ADCY2: variants seen among roughly 807,000 people sequenced by gnomAD.
The protein encoded by ADCY2 is adenylate cyclase 2.
A neutral mutation model predicts 125.2 loss-of-function variants in ADCY2; 31 were observed. The observed-to-expected ratio is 0.25, with a 90% confidence interval of 0.19 to 0.33. The LOEUF is 0.33. Among genes scored for constraint, ADCY2 ranks in the 10% least tolerant of loss-of-function variants. The pLI, the probability that ADCY2 is intolerant of heterozygous loss-of-function variation, is 1.00. For missense variants in ADCY2, 904 were observed against 1,418.2 expected (o/e 0.64, Z 5.82); for synonymous variants, 512 against 548.4 (o/e 0.93, Z 0.93).
intron 2 of ADCY2, among the ~76,000 whole-genome samples, chr5:7,417,990 T>G (rs1561014218): frequency 6.6e-6 from 1 of 152,220 alleles, no homozygotes; most frequent in South Asian, 2.1e-4. Context: ...CCTTTTTTGC[T>G]GTTGTTGTTT....
intron 22 of ADCY2, among the ~76,000 whole-genome samples, chr5:7,813,991 C>G (rs1433612953): frequency 6.6e-6 from 1 of 151,672 alleles, no homozygotes; most frequent in Non-Finnish European, 1.5e-5. Flanking sequence ...GCACAAGCCT[C>G]CAAATCAGGT....
chr5:7,484,174 C>T (rs188966583), intron 2 of ADCY2, among the ~76,000 whole-genome samples: 4 of 152,250 alleles, frequency 2.6e-5, no homozygotes, highest in Admixed American at 6.5e-5. Context: ...TTTTATTCTA[C>T]TTATATACTA....
At chr5:7,694,059 G>A (rs1370563068) in intron 5 of ADCY2, among the ~76,000 whole-genome samples, 1 of 152,168 alleles carries the variant, frequency 6.6e-6, no homozygotes, top group Admixed American at 6.5e-5. Flanking sequence ...CAGAGTGGAG[G>A]GTAAAGCTGT....
chr5:7,815,698 C>T (rs1745089088), intron 22 of ADCY2, among the ~76,000 whole-genome samples: 1 of 152,208 alleles, frequency 6.6e-6, no homozygotes, highest in Non-Finnish European at 1.5e-5. Flanking sequence ...ATGTTCACTT[C>T]TTCCCACTGG....
intron 23 of ADCY2, among the ~76,000 whole-genome samples, 184 bp downstream of exon 23, chr5:7,817,164 A>G (rs326157): frequency 0.051 from 7,724 of 152,034 alleles, 592 homozygotes; most frequent in African/African-American, 0.17. Flanking sequence ...AAACCCTTTG[A>G]TTGGACCTAG....
Position 7,688,041 on chromosome 5 carries a change from A to C in ADCY2, c.721-2650A>C, listed in dbSNP as rs577779768. On this transcript the variant is annotated intron_variant, in intron 4 of 24. Transcript: ENST00000338316. ...ACATCTCTGTAGATGAACAGATGCTACTGGGATTTCCAAATAGATAGCCTA... is the reference window on the plus strand; with the variant it reads ...ACATCTCTGTAGATGAACAGATGCTCCTGGGATTTCCAAATAGATAGCCTA... Among the ~76,000 whole-genome samples the C allele has an allele frequency of 3.3e-5, 3 of 90,630 alleles. No individual in the cohort carries two copies. The South Asian group carries it at 1.5e-3, about 46-fold the overall frequency. 59.5% of individuals were successfully genotyped at this position (90,630 alleles called of 152,430 possible).
At chr5:7,650,262 C>T (rs1355117936) in intron 4 of ADCY2, among the ~76,000 whole-genome samples, 1 of 143,912 alleles carries the variant, frequency 6.9e-6, no homozygotes, top group African/African-American at 2.6e-5. Context: ...GCACATTCTC[C>T]TCCTTGTCAC....
At chr5:7,494,402 T>C (rs1371662412) in intron 2 of ADCY2, among the ~76,000 whole-genome samples, 4 of 152,162 alleles carry the variant, frequency 2.6e-5, no homozygotes, top group Admixed American at 2.6e-4. Flanking sequence ...CCCTTCTCTC[T>C]CTGCTCTCAA....
intron 1 of ADCY2, among the ~76,000 whole-genome samples, chr5:7,408,817 G>A (rs543046371): frequency 3.9e-5 from 6 of 152,258 alleles, no homozygotes; most frequent in African/African-American, 1.2e-4. Flanking sequence ...GGGAGACAGC[G>A]TTACGATTCC....
At chr5:7,788,326 C>T (rs1475133965) in intron 19 of ADCY2, among the ~76,000 whole-genome samples, 3 of 152,008 alleles carry the variant, frequency 2.0e-5, no homozygotes, top group Non-Finnish European at 2.9e-5. Context: ...ATTACAGGCG[C>T]GCACAACCAG....
Position 7,751,332 on chromosome 5 carries a change from A to G in ADCY2, c.1957-6117A>G, listed in dbSNP as rs192310378. On this transcript the variant is annotated intron_variant, in intron 15 of 24. Transcript: ENST00000338316. The stretch of plus-strand genomic sequence containing the variant: ...TCGTGGTGCTAATTCGACTACCTCT[A>G]ATGTCTTTTGATTCTTCCTCATATG... 2.8e-4 allele frequency among the ~76,000 whole-genome samples: 43 copies of G among 152,162 alleles called. No individual in the cohort carries two copies. The East Asian group carries it at 7.3e-3, about 26-fold the overall frequency.
intron 4 of ADCY2, among the ~76,000 whole-genome samples, chr5:7,673,269 A>AAAAAATATATATATATAT (rs1554030659): frequency 1.0e-3 from 4 of 3,930 alleles, no homozygotes; most frequent in Non-Finnish European, 1.7e-3. Context: ...AAAAAAAAAA[A>AAAAAATATATATATATAT]ATATATATAT....
chr5:7,460,064 G>C (rs1460097883), intron 2 of ADCY2, among the ~76,000 whole-genome samples: 4 of 151,988 alleles, frequency 2.6e-5, no homozygotes, highest in Non-Finnish European at 4.4e-5. Context: ...GGGATTACAG[G>C]TGTGAGCCAC....
At chr5:7,542,934 CAGTAA>C (rs1735039783) in intron 3 of ADCY2, among the ~76,000 whole-genome samples, 1 of 152,236 alleles carries the variant, frequency 6.6e-6, no homozygotes, top group Non-Finnish European at 1.5e-5. Context: ...TAGACAAAGA[CAGTAA>C]CAAAGCCATG....
chr5:7,540,634 A>C (rs1269856804), intron 3 of ADCY2, among the ~76,000 whole-genome samples: 1 of 152,216 alleles, frequency 6.6e-6, no homozygotes, highest in East Asian at 1.9e-4. Context: ...TTCCCCAAAG[A>C]GTCTCCAAAG....
chr5:7,592,921 G>A (rs1736896292), intron 3 of ADCY2, among the ~76,000 whole-genome samples: 1 of 152,092 alleles, frequency 6.6e-6, no homozygotes. Flanking sequence ...AAAACTTAAG[G>A]AAAAAGAGAA....
chr5:7,632,613 T>C (rs567263280), intron 4 of ADCY2, among the ~76,000 whole-genome samples: 2 of 152,300 alleles, frequency 1.3e-5, no homozygotes, highest in Non-Finnish European at 2.9e-5. Context: ...TGAGATGTTA[T>C]AAAAGGTTCT....
chr5:7,687,518 G>A (rs773894405), intron 4 of ADCY2, among the ~76,000 whole-genome samples: 8 of 152,136 alleles, frequency 5.3e-5, no homozygotes, highest in East Asian at 1.9e-4. Context: ...CATGAGGTCC[G>A]CTCCCTCCAA....
In ADCY2 at chr5:7,698,400, T is replaced by C. The variant is rs77328744; in HGVS notation, c.1109+26T>C. The stretch of plus-strand genomic sequence containing the variant: ...GTAAGTGGACTGCTTAGTAAGCATT[T>C]TGTTATATGCTTTAAGTTCTGGGGT... On this transcript the variant is annotated intron_variant, in intron 7 of 24. Coordinates refer to ENST00000338316, the MANE Select transcript of ADCY2 (RefSeq NM_020546.3). The C allele has an allele frequency of 4.5e-3, 7,181 of 1,613,366 alleles. 134 individuals carry two copies. The African/African-American group carries it at 0.048, about 11-fold the overall frequency.
Sources: gnomAD v4.1 joint callset for allele counts (sites outside exome capture counted in the v4.1 genomes callset) on GRCh38, gnomAD v4.1.1 for gene constraint, MANE v1.5 for transcripts, NCBI Gene and HGNC (gene_info 2026-07-23, HGNC 2026-07-21) for gene names.